Variants in CADPS2 observed in about 807,000 individuals in gnomAD.
CADPS2 encodes calcium-dependent secretion activator 2.
CADPS2 carries 93 observed loss-of-function variants against 172.5 expected under a neutral mutation model. The observed-to-expected ratio is 0.54, with a 90% CI of 0.46 to 0.64. CADPS2 has a LOEUF of 0.64. Ranked by LOEUF, CADPS2 falls within the 30% of genes least tolerant of loss-of-function variation. The probability of loss-of-function intolerance (pLI) is 0.00; values close to 1 mark genes in which losing one functional copy is unlikely to be tolerated. For missense variants in CADPS2, 1,420 were observed against 1,565.9 expected (o/e 0.91, Z 1.57); for synonymous variants, 546 against 555.2 (o/e 0.98, Z 0.23).
At chr7:122,775,973 A>AT (rs1208100395) in intron 1 of CADPS2, among the ~76,000 whole-genome samples, 2 of 116,444 alleles carry the variant, frequency 1.7e-5, no homozygotes, top group Admixed American at 7.8e-5. Flanking sequence ...CAAGTTCAAA[A>AT]ATTTTTTTCT....
chr7:122,563,678 C>T (rs865962444), intron 7 of CADPS2, among the ~76,000 whole-genome samples: 2 of 152,038 alleles, frequency 1.3e-5, no homozygotes, highest in East Asian at 1.9e-4. Context: ...GTCAGTCAAT[C>T]CATAACATAC....
At chr7:122,431,522 C>A (rs1027657894) in intron 17 of CADPS2, among the ~76,000 whole-genome samples, 1 of 152,050 alleles carries the variant, frequency 6.6e-6, no homozygotes, top group Admixed American at 6.6e-5. Flanking sequence ...AAGATTTTAG[C>A]CCAGTGCAAA....
chr7:122,848,582 C>A lies in CADPS2; in HGVS notation c.339+37417G>T, dbSNP rs1014338472. ...TTATAAAGCTAAAAAGGATCAGATACTAGAAAGAGGCAAAACTGCGATTCA... is the reference window on the plus strand; with the variant it reads ...TTATAAAGCTAAAAAGGATCAGATAATAGAAAGAGGCAAAACTGCGATTCA... On this transcript the variant is annotated intron_variant, in intron 1 of 29. Coordinates refer to ENST00000449022, the MANE Select transcript of CADPS2 (RefSeq NM_017954.11). Among the ~76,000 whole-genome samples, 3 of 152,288 alleles carry A rather than the reference C, an allele frequency of 2.0e-5. No individual in the cohort carries two copies. The East Asian group carries it at 5.8e-4, about 29-fold the overall frequency.
At chr7:122,446,127 G>A (rs946736959) in intron 15 of CADPS2, among the ~76,000 whole-genome samples, 2 of 152,074 alleles carry the variant, frequency 1.3e-5, no homozygotes, top group Non-Finnish European at 2.9e-5. Flanking sequence ...CCCTTAACTG[G>A]TTGTATATAA....
intron 1 of CADPS2, among the ~76,000 whole-genome samples, chr7:122,832,116 T>C (rs1236425762): frequency 6.6e-6 from 1 of 152,084 alleles, no homozygotes; most frequent in Non-Finnish European, 1.5e-5. Context: ...GGATGAAAAA[T>C]CAGTTCTGCC....
intron 20 of CADPS2, among the ~76,000 whole-genome samples, chr7:122,401,465 C>T (rs937388426): frequency 2.0e-5 from 3 of 152,138 alleles, no homozygotes; most frequent in Non-Finnish European, 4.4e-5. Flanking sequence ...ATGATTTGTG[C>T]CATTTGCAGA....
At chr7:122,841,673 C>T (rs1037193602) in intron 1 of CADPS2, among the ~76,000 whole-genome samples, 1 of 152,104 alleles carries the variant, frequency 6.6e-6, no homozygotes, top group Middle Eastern at 3.4e-3. Context: ...TCTGAATATG[C>T]AAAAAATGTA....
chr7:122,857,549 C>A (rs1033737749), intron 1 of CADPS2, among the ~76,000 whole-genome samples: 1 of 152,148 alleles, frequency 6.6e-6, no homozygotes, highest in Admixed American at 6.6e-5. Flanking sequence ...ACCACCTGGG[C>A]ATTTAGGCAG....
At chr7:122,324,930 G>A (rs892082793) in intron 29 of CADPS2, among the ~76,000 whole-genome samples, 27 of 152,130 alleles carry the variant, frequency 1.8e-4, no homozygotes, top group African/African-American at 5.8e-4. Flanking sequence ...TGGCCTTGCC[G>A]AACTTATGTG....
chr7:122,761,492 G>A (rs715205), intron 1 of CADPS2, among the ~76,000 whole-genome samples: 6,055 of 152,106 alleles, frequency 0.04, 188 homozygotes, highest in South Asian at 0.066. Flanking sequence ...GTGCATACAA[G>A]CAAGGATTGT....
intron 3 of CADPS2, among the ~76,000 whole-genome samples, chr7:122,639,173 T>G (rs1327789376): frequency 6.6e-6 from 1 of 152,240 alleles, no homozygotes; most frequent in African/African-American, 2.4e-5. Context: ...TTATGTAATG[T>G]TAGAATTGAA....
chr7:122,764,445 C>G (rs548568873), intron 1 of CADPS2, among the ~76,000 whole-genome samples: 1 of 151,946 alleles, frequency 6.6e-6, no homozygotes, highest in Non-Finnish European at 1.5e-5. Flanking sequence ...ATGTGCCAAG[C>G]GTTTTCCTAG....
chr7:122,367,818 AG>A (rs1248355096), intron 25 of CADPS2, among the ~76,000 whole-genome samples: 2 of 148,446 alleles, frequency 1.3e-5, no homozygotes, highest in African/African-American at 5.0e-5. Context: ...CTAAAATTCA[AG>A]TGTCAATAGG....
intron 27 of CADPS2, among the ~76,000 whole-genome samples, chr7:122,358,707 A>T (rs1418599048): frequency 6.6e-6 from 1 of 152,132 alleles, no homozygotes; most frequent in African/African-American, 2.4e-5. Flanking sequence ...GAGTTTGAGT[A>T]TAAAAAAGAA....
At chr7:122,481,156 T>C (rs2057247186) in intron 11 of CADPS2, among the ~76,000 whole-genome samples, 1 of 145,338 alleles carries the variant, frequency 6.9e-6, no homozygotes, top group Non-Finnish European at 1.5e-5. Flanking sequence ...ATTTTCTTTC[T>C]TCATTCTTTT....
chr7:122,863,365 G>A (rs1376855058), intron 1 of CADPS2, among the ~76,000 whole-genome samples: 1 of 152,170 alleles, frequency 6.6e-6, no homozygotes, highest in African/African-American at 2.4e-5. Flanking sequence ...ACACTGAGAT[G>A]TGATGTAGGA....
intron 1 of CADPS2, among the ~76,000 whole-genome samples, chr7:122,881,284 G>A (rs568776115): frequency 3.9e-4 from 59 of 152,234 alleles, no homozygotes; most frequent in African/African-American, 8.4e-4. Context: ...CAAAATCGCA[G>A]CTGATTTCAT....
At chr7:122,629,686 T>C (rs1374960244) in intron 3 of CADPS2, among the ~76,000 whole-genome samples, 2 of 152,152 alleles carry the variant, frequency 1.3e-5, no homozygotes, top group South Asian at 2.1e-4. Context: ...AATGTTTCAC[T>C]TCTTTCTTTG....
At chr7:122,460,072 C>T (rs771402007) in intron 14 of CADPS2, among the ~76,000 whole-genome samples, 5 of 151,970 alleles carry the variant, frequency 3.3e-5, no homozygotes, top group East Asian at 1.9e-4. Context: ...CCAGGATGTT[C>T]GCCATAGAGA....
Sources: gnomAD v4.1 joint callset for allele counts (sites outside exome capture counted in the v4.1 genomes callset) on GRCh38, gnomAD v4.1.1 for gene constraint, MANE v1.5 for transcripts, NCBI Gene and HGNC (gene_info 2026-07-23, HGNC 2026-07-21) for gene names.